The following CCDC169 variants were observed in gnomAD, a reference collection of about 807,000 sequenced individuals.
CCDC169 encodes the protein coiled-coil domain containing 169.
In CCDC169, 30 loss-of-function variants were observed where a neutral mutation model predicts 36.0. The ratio of observed to expected loss-of-function variants is 0.83; its 90% CI spans 0.62 to 1.13. The LOEUF (loss-of-function observed/expected upper bound fraction) is 1.13. CCDC169 is among the 50% of genes most tolerant of loss of function. The pLI is 0.00. For missense variants in CCDC169, 245 were observed against 245.9 expected (o/e 1.00, Z 0.03); for synonymous variants, 85 against 81.5 (o/e 1.04, Z -0.23).
chr13:36,297,276 C>A lies in CCDC169; in HGVS notation c.83+361G>T, dbSNP rs12585603. ...TTAAAGGGATGAAAGAAAAAAAAAA[C>A]CCCGTATAACTAAATAAAATCTTTG... On this transcript the variant is annotated intron_variant, in intron 1 of 7. Transcript: ENST00000239859. Among the ~76,000 whole-genome samples, 136 of 151,790 alleles carry A rather than the reference C, an allele frequency of 9.0e-4. 1 individual carries two copies. In the East Asian group the frequency reaches 0.019, roughly 21 times the overall value.
At chr13:36,284,895 T>C (rs1351959153) in intron 2 of CCDC169, among the ~76,000 whole-genome samples, 1 of 152,130 alleles carries the variant, frequency 6.6e-6, no homozygotes, top group Non-Finnish European at 1.5e-5. Flanking sequence ...GCAAATGCGG[T>C]CTACCAAAGG....
chr13:36,240,317 G>A (rs1003910549), intron 7 of CCDC169, among the ~76,000 whole-genome samples: 2 of 151,634 alleles, frequency 1.3e-5, no homozygotes, highest in Admixed American at 6.6e-5. Context: ...AAACCTAAGA[G>A]GCATAAATAT....
At chr13:36,226,845 A>G, downstream of CCDC169, 1 of 320,074 alleles carries the variant, frequency 3.1e-6, no homozygotes, top group Non-Finnish European at 5.7e-6. Flanking sequence ...TTCGGCTACT[A>G]TGCTCAGTCC....
At chr13:36,255,099 T>A (rs1034418382) in intron 4 of CCDC169, among the ~76,000 whole-genome samples, 8 of 152,206 alleles carry the variant, frequency 5.3e-5, no homozygotes, top group African/African-American at 1.9e-4. Flanking sequence ...TGAGGTGTTT[T>A]CTCAAGGAAG....
intron 2 of CCDC169, among the ~76,000 whole-genome samples, chr13:36,286,565 C>T (rs550800592): frequency 6.6e-6 from 1 of 152,264 alleles, no homozygotes; most frequent in South Asian, 2.1e-4. Context: ...TGCACACCAC[C>T]TGTTTGTCCG....
At chr13:36,231,582 A>G (rs1452316150) in intron 7 of CCDC169, among the ~76,000 whole-genome samples, 3 of 152,200 alleles carry the variant, frequency 2.0e-5, no homozygotes. Context: ...TAATGAGGAT[A>G]AGACAGATCC....
At chr13:36,228,818 CAG>C (rs1442213807), downstream of CCDC169, among the ~76,000 whole-genome samples, 1 of 152,114 alleles carries the variant, frequency 6.6e-6, no homozygotes, top group African/African-American at 2.4e-5. Flanking sequence ...CCCAAAGTGA[CAG>C]GGGGTGTGAG....
intron 2 of CCDC169, among the ~76,000 whole-genome samples, chr13:36,292,773 C>T (rs1216372367): frequency 6.6e-6 from 1 of 152,134 alleles, no homozygotes; most frequent in Non-Finnish European, 1.5e-5. Flanking sequence ...ATAAATTCAG[C>T]ATGTTGGTCT....
At chr13:36,293,707 T>C (rs965649216) in intron 2 of CCDC169, among the ~76,000 whole-genome samples, 3 of 152,116 alleles carry the variant, frequency 2.0e-5, no homozygotes, top group African/African-American at 7.2e-5. Context: ...CAAAAGCCAG[T>C]GTCAGATGTT....
intron 2 of CCDC169, among the ~76,000 whole-genome samples, chr13:36,287,240 C>T (rs1208873025): frequency 6.6e-6 from 1 of 152,012 alleles, no homozygotes; most frequent in African/African-American, 2.4e-5. Flanking sequence ...CATTTATGAT[C>T]TAACTAGAAT....
chr13:36,270,072 A>G (rs1251662941), intron 4 of CCDC169, among the ~76,000 whole-genome samples: 4 of 152,246 alleles, frequency 2.6e-5, no homozygotes, highest in African/African-American at 9.6e-5. Flanking sequence ...CAAATTGAGT[A>G]AAGTCTCAGG....
intron 4 of CCDC169, among the ~76,000 whole-genome samples, chr13:36,265,605 A>G (rs945593939): frequency 2.0e-5 from 3 of 152,242 alleles, no homozygotes; most frequent in Admixed American, 1.3e-4. Context: ...TGCGTCTTTT[A>G]GGTCTTTAAT....
At chr13:36,274,787 A>G (rs989974251) in intron 4 of CCDC169, among the ~76,000 whole-genome samples, 1 of 152,088 alleles carries the variant, frequency 6.6e-6, no homozygotes, top group Admixed American at 6.6e-5. Context: ...TACTGTTTAC[A>G]CACCTGAAAT....
chr13:36,290,642 C>G (rs1334468294), intron 2 of CCDC169, among the ~76,000 whole-genome samples: 1 of 152,166 alleles, frequency 6.6e-6, no homozygotes, highest in East Asian at 1.9e-4. Context: ...GTGTTTTGTA[C>G]AGCTAATTGC....
intron 4 of CCDC169, among the ~76,000 whole-genome samples, chr13:36,259,153 G>C (rs1211862943): frequency 6.6e-6 from 1 of 152,176 alleles, no homozygotes; most frequent in Admixed American, 6.5e-5. Context: ...AAAGTGATGA[G>C]AGCCGCCATG....
rs144907429 is a variant in CCDC169, at chr13:36,275,585, C to T, written c.315+7884G>A. Reference sequence around the variant, plus strand: ...AATACTTTAAAAATATATACTTACACGTGTCAATAGTGCTCTAGTGTCACT... The same window carrying T: ...AATACTTTAAAAATATATACTTACATGTGTCAATAGTGCTCTAGTGTCACT... On this transcript the variant is annotated intron_variant, in intron 4 of 7. Transcript: ENST00000239859. 1.6e-3 allele frequency among the ~76,000 whole-genome samples: 247 copies of T among 152,246 alleles called. 1 individual carries two copies. The highest frequency in any genetic ancestry group is 5.8e-3 in the African/African-American group (240 of 41,548).
At chr13:36,281,653 G>C (rs911504820) in intron 4 of CCDC169, among the ~76,000 whole-genome samples, 1 of 152,146 alleles carries the variant, frequency 6.6e-6, no homozygotes, top group Non-Finnish European at 1.5e-5. Flanking sequence ...CTTGAGCTCA[G>C]GAGTTCGAGA....
chr13:36,295,873 T>C lies in CCDC169; in HGVS notation c.84-16A>G. On this transcript the variant is annotated splice_polypyrimidine_tract_variant and intron_variant, in intron 1 of 7. Coordinates refer to ENST00000239859, the MANE Select transcript of CCDC169 (RefSeq NM_001144981.3). ...CACTGCATCCCTGTTATTTAAAATA[T>C]TTTTGTTGATTATAATTCAATTAAA... 7.1e-7 allele frequency: 1 copy of C among 1,415,284 alleles called. No homozygotes were observed. Among genetic ancestry groups the C allele is most frequent in the Non-Finnish European group, 9.7e-7 (1 of 1,033,850 alleles). 87.7% of individuals were successfully genotyped at this position (1,415,284 alleles called of 1,614,324 possible).
chr13:36,227,699 C>T (rs2138364555), downstream of CCDC169, among the ~76,000 whole-genome samples: 1 of 152,050 alleles, frequency 6.6e-6, no homozygotes, highest in African/African-American at 2.4e-5. Flanking sequence ...TACAATTAAC[C>T]CACTTAGAGT....
Sources: gnomAD v4.1 joint callset for allele counts (sites outside exome capture counted in the v4.1 genomes callset) on GRCh38, gnomAD v4.1.1 for gene constraint, MANE v1.5 for transcripts, NCBI Gene and HGNC (gene_info 2026-07-23, HGNC 2026-07-21) for gene names.